The following PDE1C variants were observed in gnomAD, a reference collection of about 807,000 sequenced individuals.
The protein encoded by PDE1C is phosphodiesterase 1C.
Under a neutral mutation model 93.1 loss-of-function variants are expected in PDE1C, and 62 were observed. That is an observed-to-expected ratio of 0.67 (90% CI 0.54 to 0.82). The LOEUF is 0.82. Among genes scored for constraint, PDE1C ranks in the 40% least tolerant of loss-of-function variants. The pLI, the probability that PDE1C is intolerant of heterozygous loss-of-function variation, is 0.00. For synonymous variants in PDE1C, 325 were observed against 310.1 expected (o/e 1.05, Z -0.50); for missense variants, 742 against 884.6 (o/e 0.84, Z 2.04).
the PDE1C span, among the ~76,000 whole-genome samples, chr7:31,674,231 G>T: frequency 1.3e-5 from 2 of 152,012 alleles, no homozygotes; most frequent in Non-Finnish European, 2.9e-5. Flanking sequence ...TTTGTCTGTT[G>T]TCATCTACAA....
At chr7:32,030,038 G>A (rs146143624) in intron 2 of PDE1C, among the ~76,000 whole-genome samples, 6 of 150,376 alleles carry the variant, frequency 4.0e-5, no homozygotes, top group African/African-American at 9.8e-5. Flanking sequence ...TCCAAGCTAC[G>A]GGTGAGTGAA....
chr7:31,658,504 A>C, the PDE1C span: 1 of 973,972 alleles, frequency 1.0e-6, no homozygotes, highest in Non-Finnish European at 1.4e-6. Context: ...TTTGAGAAGA[A>C]AAAGTTTTAG....
chr7:31,902,813 T>C (rs993900857), intron 2 of PDE1C, among the ~76,000 whole-genome samples: 4 of 151,208 alleles, frequency 2.6e-5, no homozygotes, highest in Non-Finnish European at 5.9e-5. Flanking sequence ...TGATATACTA[T>C]TTATAATATC....
At chr7:32,150,737 G>C (rs1445590255) in intron 3 of PDE1C, among the ~76,000 whole-genome samples, 4 of 152,172 alleles carry the variant, frequency 2.6e-5, no homozygotes, top group Admixed American at 6.5e-5. Flanking sequence ...CCCATACTAA[G>C]AACCACATAA....
intron 6 of PDE1C, among the ~76,000 whole-genome samples, chr7:31,871,679 T>G (rs1444627048): frequency 6.8e-6 from 1 of 146,068 alleles, no homozygotes; most frequent in African/African-American, 2.6e-5. Context: ...CCAGTAAGAA[T>G]GGCTGTTATG....
chr7:31,696,541 G>A, the PDE1C span, among the ~76,000 whole-genome samples: 1 of 152,156 alleles, frequency 6.6e-6, no homozygotes, highest in Admixed American at 6.5e-5. Flanking sequence ...GAGGTATCAG[G>A]GTGGAAGTGT....
chr7:32,305,578 A>G (rs552007878), intron 1 of PDE1C, among the ~76,000 whole-genome samples: 1 of 152,266 alleles, frequency 6.6e-6, no homozygotes, highest in Admixed American at 6.5e-5. Flanking sequence ...TCCTTCCTCC[A>G]GAGTTTCCCT....
rs1802457802 is a variant in PDE1C, at chr7:32,168,699, T to C, written c.308+1086A>G. On this transcript the variant is annotated intron_variant, in intron 3 of 18. Coordinates refer to the PDE1C transcript ENST00000396193. The stretch of plus-strand genomic sequence containing the variant: ...AGTAGGAATAAAAACAGCATTTACC[T>C]GCAATTCTTGTCTCACTAATGTACT... 2.6e-5 allele frequency among the ~76,000 whole-genome samples: 4 copies of C among 152,180 alleles called. No individual in the cohort carries two copies. In the South Asian group the frequency reaches 8.3e-4, roughly 32 times the overall value.
At chr7:32,176,050 T>C (rs1194028591) in intron 2 of PDE1C, among the ~76,000 whole-genome samples, 1 of 152,234 alleles carries the variant, frequency 6.6e-6, no homozygotes, top group African/African-American at 2.4e-5. Context: ...CATCAATGTG[T>C]TGAATAAGAT....
At chr7:32,186,141 GC>G (rs1803856033) in intron 2 of PDE1C, among the ~76,000 whole-genome samples, 1 of 146,108 alleles carries the variant, frequency 6.8e-6, no homozygotes, top group Admixed American at 6.9e-5. Context: ...TGTCGCCCAG[GC>G]CCGACTGCGG....
At chr7:32,374,260 AAAGAAAG>A in intron 1 of PDE1C, among the ~76,000 whole-genome samples, 1 of 97,996 alleles carries the variant, frequency 1.0e-5, no homozygotes, top group Non-Finnish European at 2.3e-5. Flanking sequence ...GGAAAGGAAG[AAAGAAAG>A]AAAGAAAGAA....
chr7:31,837,804 G>T, intron 10 of PDE1C, 66 bp downstream of exon 10: 2 of 965,338 alleles, frequency 2.1e-6, no homozygotes, highest in Non-Finnish European at 3.3e-6. Context: ...TAAAGGGATA[G>T]CCACATAGAC....
At chr7:31,662,233 T>G in the PDE1C span, among the ~76,000 whole-genome samples, 1 of 152,226 alleles carries the variant, frequency 6.6e-6, no homozygotes, top group African/African-American at 2.4e-5. Context: ...GAACCCAATA[T>G]CCGCTAAAAT....
chr7:32,385,370 G>A (rs1370539826), intron 1 of PDE1C, among the ~76,000 whole-genome samples: 1 of 152,148 alleles, frequency 6.6e-6, no homozygotes, highest in Non-Finnish European at 1.5e-5. Flanking sequence ...ATGCCAAAGA[G>A]GCTAAAGCTG....
chr7:32,078,927 C>CA (rs112614033), intron 3 of PDE1C, among the ~76,000 whole-genome samples: 29,965 of 129,194 alleles, frequency 0.23, 3,632 homozygotes, highest in East Asian at 0.6. Context: ...CTCACTCTCT[C>CA]AAAAAAAAAA....
intron 7 of PDE1C, among the ~76,000 whole-genome samples, chr7:31,851,146 T>C (rs1308750457): frequency 2.0e-5 from 3 of 149,880 alleles, no homozygotes; most frequent in Non-Finnish European, 3.0e-5. Context: ...TGAAGAGTAA[T>C]AGAAAACCTA....
intron 14 of PDE1C, among the ~76,000 whole-genome samples, chr7:31,819,306 T>C (rs78211931): frequency 3.5e-3 from 535 of 152,238 alleles, no homozygotes; most frequent in African/African-American, 0.012. Context: ...AGAAAATATA[T>C]TGACAGGAGG....
At chr7:31,999,725 T>C (rs1584393994) in intron 2 of PDE1C, among the ~76,000 whole-genome samples, 1 of 152,332 alleles carries the variant, frequency 6.6e-6, no homozygotes, top group Admixed American at 6.5e-5. Flanking sequence ...TTTTTACACT[T>C]TACCATATAC....
At chr7:32,069,222 A>G (rs1471962387) in intron 1 of PDE1C, among the ~76,000 whole-genome samples, 4 of 152,240 alleles carry the variant, frequency 2.6e-5, no homozygotes, top group African/African-American at 9.6e-5. Context: ...GAAACTTTGA[A>G]TATCAAGCTA....
Sources: allele counts gnomAD v4.1 joint callset (sites outside exome capture counted in the v4.1 genomes callset), GRCh38; gene constraint gnomAD v4.1.1; transcripts MANE v1.5; gene names NCBI Gene and HGNC (gene_info 2026-07-23, HGNC 2026-07-21).